The following HS6ST3 variants were observed in gnomAD, a reference collection of about 807,000 sequenced individuals.
HS6ST3 encodes heparan sulfate 6-O-sulfotransferase 3.
HS6ST3 carries 12 observed loss-of-function variants against 36.7 expected under a neutral mutation model. That is an observed-to-expected ratio of 0.33 (90% CI 0.21 to 0.53). HS6ST3 has a LOEUF of 0.53. Ranked by LOEUF, HS6ST3 falls within the 20% of genes least tolerant of loss-of-function variation. The pLI is 0.95. For synonymous variants in HS6ST3, 240 were observed against 257.5 expected (o/e 0.93, Z 0.65); for missense variants, 584 against 640.9 (o/e 0.91, Z 0.96).
At chr13:96,473,201 T>C (rs1471185445) in intron 1 of HS6ST3, among the ~76,000 whole-genome samples, 1 of 152,170 alleles carries the variant, frequency 6.6e-6, no homozygotes, top group Non-Finnish European at 1.5e-5. Context: ...GTTAAAGGCA[T>C]AGCCTGGAGT....
At chr13:96,351,851 C>G (rs997554370) in intron 1 of HS6ST3, among the ~76,000 whole-genome samples, 2 of 152,028 alleles carry the variant, frequency 1.3e-5, no homozygotes, top group Admixed American at 6.6e-5. Context: ...AGTGTAGCTT[C>G]TAGCAAAAAG....
chr13:96,622,018 A>G (rs988578543), intron 1 of HS6ST3, among the ~76,000 whole-genome samples: 3 of 152,190 alleles, frequency 2.0e-5, no homozygotes, highest in Admixed American at 6.5e-5. Flanking sequence ...TGTAACATCA[A>G]TTCTGGACTG....
chr13:96,642,168 G>A (rs900312990), intron 1 of HS6ST3, among the ~76,000 whole-genome samples: 1 of 151,646 alleles, frequency 6.6e-6, no homozygotes. Context: ...TTGGTTGCTA[G>A]TTTTCTTTTT....
intron 1 of HS6ST3, among the ~76,000 whole-genome samples, chr13:96,499,632 G>T (rs2055994305): frequency 1.3e-5 from 2 of 152,208 alleles, no homozygotes; most frequent in Non-Finnish European, 2.9e-5. Flanking sequence ...AGTGAGGGCA[G>T]GAACCCTGTG....
chr13:96,339,666 A>G (rs1475686029), intron 1 of HS6ST3, among the ~76,000 whole-genome samples: 1 of 152,226 alleles, frequency 6.6e-6, no homozygotes, highest in Non-Finnish European at 1.5e-5. Flanking sequence ...TTCTTCAGCC[A>G]GTGGATTATA....
In HS6ST3 at chr13:96,690,539, C is replaced by T. The variant is rs183906333; in HGVS notation, c.708-141951C>T. On this transcript the variant is annotated intron_variant, in intron 1 of 1. Coordinates refer to ENST00000376705, the MANE Select transcript of HS6ST3 (RefSeq NM_153456.4). ...GGATCATTCTGAAATAAAATCATCT[C>T]CCGGGCATGGAAGGAATAAATGCTG... is the stretch of plus-strand genomic sequence containing the variant. Among the ~76,000 whole-genome samples, 208 of 152,144 alleles carry T rather than the reference C, an allele frequency of 1.4e-3. 1 individual carries two copies. The highest frequency in any genetic ancestry group is 2.2e-3 in the Admixed American group (33 of 15,250).
At chr13:96,158,591 T>A (rs554495381) in intron 1 of HS6ST3, among the ~76,000 whole-genome samples, 1 of 132,860 alleles carries the variant, frequency 7.5e-6, no homozygotes, top group East Asian at 2.2e-4. Flanking sequence ...AGGCCGAGAT[T>A]GCAGTGAGCC....
intron 1 of HS6ST3, among the ~76,000 whole-genome samples, chr13:96,384,996 A>G (rs1256324460): frequency 6.6e-6 from 1 of 152,094 alleles, no homozygotes; most frequent in Non-Finnish European, 1.5e-5. Context: ...CCTGACCAAC[A>G]TGGAGAAACC....
chr13:96,765,154 A>G (rs745399406), intron 1 of HS6ST3, among the ~76,000 whole-genome samples: 3 of 148,584 alleles, frequency 2.0e-5, no homozygotes, highest in Non-Finnish European at 3.0e-5. Context: ...GCTCACTGCA[A>G]GCTCCGCCTT....
intron 1 of HS6ST3, among the ~76,000 whole-genome samples, chr13:96,781,739 C>A (rs1877533354): frequency 6.6e-6 from 1 of 152,172 alleles, no homozygotes. Flanking sequence ...TAATCTCTTT[C>A]CCATTATTAA....
At chr13:96,352,176 A>G (rs1594760379) in intron 1 of HS6ST3, among the ~76,000 whole-genome samples, 1 of 152,218 alleles carries the variant, frequency 6.6e-6, no homozygotes, top group East Asian at 1.9e-4. Flanking sequence ...TTTGTTATAT[A>G]TTGTTGTATA....
chr13:96,714,281 C>T (rs564541632), intron 1 of HS6ST3, among the ~76,000 whole-genome samples: 9 of 151,468 alleles, frequency 5.9e-5, no homozygotes, highest in South Asian at 2.1e-4. Flanking sequence ...TAGTATGATA[C>T]GGATAACTTC....
At chr13:96,166,817 T>C (rs1040617747) in intron 1 of HS6ST3, among the ~76,000 whole-genome samples, 4 of 152,144 alleles carry the variant, frequency 2.6e-5, no homozygotes, top group African/African-American at 7.2e-5. Flanking sequence ...CCACGTGTTA[T>C]AGCAGGGACC....
chr13:96,106,148 G>A (rs1271861112), intron 1 of HS6ST3, among the ~76,000 whole-genome samples: 1 of 152,226 alleles, frequency 6.6e-6, no homozygotes, highest in Non-Finnish European at 1.5e-5. Flanking sequence ...AGTAGTAGTT[G>A]TTAAAGTATT....
chr13:96,268,307 G>A (rs2054702805), intron 1 of HS6ST3, among the ~76,000 whole-genome samples: 1 of 151,922 alleles, frequency 6.6e-6, no homozygotes, highest in African/African-American at 2.4e-5. Flanking sequence ...GGAGGCCTCA[G>A]GAAACTTACA....
chr13:96,213,931 A>G (rs1410613094), intron 1 of HS6ST3, among the ~76,000 whole-genome samples: 1 of 152,144 alleles, frequency 6.6e-6, no homozygotes, highest in African/African-American at 2.4e-5. Context: ...TGAAATATTT[A>G]TACCTATGAG....
At chr13:96,607,099 G>A (rs1427204128) in intron 1 of HS6ST3, among the ~76,000 whole-genome samples, 1 of 152,154 alleles carries the variant, frequency 6.6e-6, no homozygotes, top group Non-Finnish European at 1.5e-5. Flanking sequence ...TACTGAAAGA[G>A]TACATCACAT....
At chr13:96,694,013 C>T (rs1244694690) in intron 1 of HS6ST3, among the ~76,000 whole-genome samples, 1 of 152,044 alleles carries the variant, frequency 6.6e-6, no homozygotes, top group Non-Finnish European at 1.5e-5. Context: ...TATAGTTTTA[C>T]TTCTTTTTTT....
At position 96,344,755 on chromosome 13, in the gene HS6ST3, T is replaced by A. The variant is rs2055145730; in HGVS notation, c.707+253186T>A. Among the ~76,000 whole-genome samples, 4 of 152,190 alleles carry A rather than the reference T, an allele frequency of 2.6e-5. No homozygotes were observed. In the South Asian group the frequency reaches 8.3e-4, roughly 31 times the overall value. Reference sequence around the variant, plus strand: ...GGCTGTTTCTGTTTAATGAAGGTCATTGCTTGTGAACAATGTTGTTGTTCA... The same window carrying A: ...GGCTGTTTCTGTTTAATGAAGGTCAATGCTTGTGAACAATGTTGTTGTTCA... On this transcript the variant is annotated intron_variant, in intron 1 of 1. Coordinates refer to ENST00000376705, the MANE Select transcript of HS6ST3 (RefSeq NM_153456.4).
Sources: gnomAD v4.1 joint callset for allele counts (sites outside exome capture counted in the v4.1 genomes callset) on GRCh38, gnomAD v4.1.1 for gene constraint, MANE v1.5 for transcripts, NCBI Gene and HGNC (gene_info 2026-07-23, HGNC 2026-07-21) for gene names.